TECTA: variants seen among roughly 807,000 people sequenced by gnomAD.
TECTA encodes the protein alpha-tectorin.
A neutral mutation model predicts 216.8 loss-of-function variants in TECTA; 128 were observed. The observed-to-expected ratio is 0.59, with a 90% CI of 0.51 to 0.68. The LOEUF (loss-of-function observed/expected upper bound fraction) is 0.68, where lower values mean the gene tolerates loss of function less well. Ranked by LOEUF, TECTA falls within the 30% of genes least tolerant of loss-of-function variation. TECTA has a pLI of 0.00. For synonymous variants in TECTA, 1,089 were observed against 1,117.1 expected (o/e 0.97, Z 0.50); for missense variants, 2,551 against 2,786.2 (o/e 0.92, Z 1.90).
At chr11:121,188,671 A>T (rs994582757) in intron 21 of TECTA, among the ~76,000 whole-genome samples, 2 of 152,220 alleles carry the variant, frequency 1.3e-5, no homozygotes, top group African/African-American at 4.8e-5. Flanking sequence ...AGCCTTTAAC[A>T]TTGCAGCTTT....
At chr11:121,180,811 T>A (rs1431012268) in intron 20 of TECTA, among the ~76,000 whole-genome samples, 1 of 135,244 alleles carries the variant, frequency 7.4e-6, no homozygotes, top group African/African-American at 2.8e-5. Context: ...TCTTTCTTAT[T>A]CCTTTTTTTT....
chr11:121,128,367 A>G, intron 9 of TECTA, 23 bp downstream of exon 9: 1 of 1,597,200 alleles, frequency 6.3e-7, no homozygotes, highest in Non-Finnish European at 8.5e-7. Context: ...GCTCCTTTGG[A>G]GGGGTTCCTG....
chr11:121,159,603 T>TG (rs1011856896), intron 14 of TECTA, among the ~76,000 whole-genome samples: 1 of 152,196 alleles, frequency 6.6e-6, no homozygotes, highest in African/African-American at 2.4e-5. Context: ...ATAGGTCCTC[T>TG]GGGGGGACCT....
rs536435404 is a variant in TECTA at position 121,171,368 on chromosome 11, A to C, written c.5999+2443A>C. ...AAAAGTCAGGTAGTGTGATGTCTCCAGCTTTGTTCTTTTTAGTGAGTATTG... is the reference window on the plus strand; with the variant it reads ...AAAAGTCAGGTAGTGTGATGTCTCCCGCTTTGTTCTTTTTAGTGAGTATTG... On this transcript the variant is annotated intron_variant, in intron 20 of 23. Transcript: ENST00000392793. 2.6e-5 allele frequency among the ~76,000 whole-genome samples: 4 copies of C among 152,236 alleles called. No homozygotes were observed. The South Asian group carries it at 8.3e-4, about 32-fold the overall frequency.
At chr11:121,122,076 G>C (rs939896706) in intron 7 of TECTA, among the ~76,000 whole-genome samples, 2 of 152,020 alleles carry the variant, frequency 1.3e-5, no homozygotes, top group African/African-American at 4.8e-5. Flanking sequence ...TCTACTTCTA[G>C]CTCTCTGCAG....
At chr11:121,125,277 C>T (rs745694769) in intron 7 of TECTA, 25 bp from the exon 8 acceptor site, 9 of 1,608,016 alleles carry the variant, frequency 5.6e-6, no homozygotes, top group South Asian at 3.3e-5. Context: ...GCTCACCTGC[C>T]TTTCACTATT....
intron 10 of TECTA, among the ~76,000 whole-genome samples, chr11:121,136,989 C>T (rs1417364523): frequency 6.6e-6 from 1 of 152,188 alleles, no homozygotes. Context: ...AAGCTAGGTG[C>T]CCTAGCAGAG....
At chr11:121,189,951 T>C (rs1173282816) in intron 23 of TECTA, 71 bp downstream of exon 23, 2 of 1,352,900 alleles carry the variant, frequency 1.5e-6, no homozygotes, top group African/African-American at 1.4e-5. Flanking sequence ...GAAGGAGAAA[T>C]TCAGATTTGA....
rs928367392 is a variant in TECTA, at chr11:121,108,797, C to T, written c.199-414C>T. 1.5e-4 allele frequency among the ~76,000 whole-genome samples: 12 copies of T among 82,184 alleles called. No homozygotes were observed. In the Middle Eastern group the frequency reaches 0.022, roughly 153 times the overall value. 53.9% of individuals were successfully genotyped at this position (82,184 alleles called of 152,430 possible). A position where few individuals can be genotyped will look rare whatever the true frequency, so the allele number is the denominator to read the frequency against. On this transcript the variant is annotated intron_variant, in intron 3 of 23. Coordinates refer to ENST00000392793, the MANE Select transcript of TECTA (RefSeq NM_005422.4). ...TCACCAGAACACACACACCCATACTCCTCACCTCAGTACACAAACACACAC... is the reference window on the plus strand; with the variant it reads ...TCACCAGAACACACACACCCATACTTCTCACCTCAGTACACAAACACACAC...
chr11:121,152,884 T>G lies in TECTA; in HGVS notation c.4109T>G (p.Val1370Gly), dbSNP rs1320863296. ...TGWRNYTSCT[V>G]TCPPNSHYES... ...TGACTTGTCTCTCTTGTTCCAGCTG[T>G]CACCTGCCCTCCAAACAGCCATTAC... is the stretch of plus-strand genomic sequence containing the variant. The change falls in exon 13 of 24, where the codon GTC (valine) becomes GGC (glycine). Residue 1370 changes from valine to glycine, a missense_variant. By Grantham distance (109) the Val-to-Gly change is moderately radical. Coordinates refer to ENST00000392793, the MANE Select transcript of TECTA (RefSeq NM_005422.4). 6.3e-7 allele frequency: 1 copy of G among 1,599,212 alleles called. No individual in the cohort carries two copies. Among genetic ancestry groups the G allele is most frequent in the East Asian group, 2.2e-5 (1 of 44,450 alleles).
At chr11:121,151,239 AG>A (rs1393283996) in intron 12 of TECTA, among the ~76,000 whole-genome samples, 1 of 152,258 alleles carries the variant, frequency 6.6e-6, no homozygotes, top group Non-Finnish European at 1.5e-5. Flanking sequence ...AAATTGGCAC[AG>A]TCTCTTTAGA....
At chr11:121,123,974 C>T (rs1281747691) in intron 7 of TECTA, among the ~76,000 whole-genome samples, 3 of 152,160 alleles carry the variant, frequency 2.0e-5, no homozygotes, top group Non-Finnish European at 2.9e-5. Flanking sequence ...CCACTCTCAC[C>T]CTAGATAACC....
In TECTA at chr11:121,137,422, A is replaced by T. The variant is rs753829211; in HGVS notation, c.2943A>T (p.Pro981=). 6.2e-7 allele frequency: 1 copy of T among 1,613,748 alleles called. No individual in the cohort carries two copies. Among genetic ancestry groups the T allele is most frequent in the Non-Finnish European group, 8.5e-7 (1 of 1,179,968 alleles). ...CGTCTTCTCCTTGACCACCTGCAGC[A>T]CTGGAGTGCCCAGAGAACAGCCACT... is the stretch of plus-strand genomic sequence containing the variant. The part of the protein sequence containing the change: ...VGPWRTYDFC[P]LECPENSHFE... The change falls in exon 11 of 24, where the codon CCA becomes CCT. Residue 981 remains proline, a splice_region_variant and synonymous_variant. Coordinates refer to ENST00000392793, the MANE Select transcript of TECTA (RefSeq NM_005422.4).
At chr11:121,122,608 G>A (rs1946568380) in intron 7 of TECTA, among the ~76,000 whole-genome samples, 1 of 146,818 alleles carries the variant, frequency 6.8e-6, no homozygotes. Flanking sequence ...GGCCAAGGAG[G>A]GCAGATTGCT....
intron 16 of TECTA, among the ~76,000 whole-genome samples, chr11:121,163,123 G>A (rs1486267846): frequency 1.3e-5 from 2 of 152,142 alleles, no homozygotes; most frequent in African/African-American, 2.4e-5. Context: ...AACCCAGTGT[G>A]TATACAGGTA....
At chr11:121,123,688 C>A (rs1946580772) in intron 7 of TECTA, among the ~76,000 whole-genome samples, 1 of 152,222 alleles carries the variant, frequency 6.6e-6, no homozygotes, top group Non-Finnish European at 1.5e-5. Flanking sequence ...CTGTTCTCAA[C>A]ACAAAAGCCA....
chr11:121,115,610 CG>C (rs752533909), intron 6 of TECTA, among the ~76,000 whole-genome samples: 21 of 152,118 alleles, frequency 1.4e-4, no homozygotes, highest in Non-Finnish European at 1.6e-4. Context: ...TGGGAGGCCT[CG>C]GGGTTCTTTC....
At chr11:121,137,307 CACGCACATGCACTCACAA>C in intron 10 of TECTA, 96 bp from the exon 11 acceptor site, 1 of 1,337,220 alleles carries the variant, frequency 7.5e-7, no homozygotes, top group Non-Finnish European at 1.1e-6. Flanking sequence ...TGCATGCACA[CACGCACATGCACTCACAA>C]ACACACATGC....
chr11:121,132,396 C>T (rs755516452), intron 10 of TECTA, among the ~76,000 whole-genome samples: 5 of 152,186 alleles, frequency 3.3e-5, no homozygotes, highest in African/African-American at 4.8e-5. Flanking sequence ...CGATGTACTC[C>T]GGGCTCATCT....
Sources: allele counts gnomAD v4.1 joint callset (sites outside exome capture counted in the v4.1 genomes callset), GRCh38; gene constraint gnomAD v4.1.1; transcripts MANE v1.5; gene names NCBI Gene and HGNC (gene_info 2026-07-23, HGNC 2026-07-21).